The following EIF1AD variants were observed in gnomAD, a reference collection of about 807,000 sequenced individuals.
EIF1AD encodes probable RNA-binding protein EIF1AD.
In EIF1AD, 9 loss-of-function variants were observed where a neutral mutation model predicts 21.7. The observed-to-expected ratio is 0.41, with a 90% CI of 0.25 to 0.72. The LOEUF (loss-of-function observed/expected upper bound fraction) is 0.72, where lower values mean the gene tolerates loss of function less well. EIF1AD is among the 30% of genes least tolerant of loss of function. EIF1AD has a pLI of 0.29. For missense variants in EIF1AD, 164 were observed against 199.7 expected (o/e 0.82, Z 1.08); for synonymous variants, 78 against 70.9 (o/e 1.10, Z -0.50).
At position 65,999,656 on chromosome 11, in the gene EIF1AD, G is replaced by A. The variant is rs775530793; in HGVS notation, c.216C>T (p.Asp72=). The A allele has an allele frequency of 4.3e-6, 7 of 1,613,804 alleles. No homozygotes were observed. Among genetic ancestry groups the A allele is most frequent in the Admixed American group, 3.3e-5 (2 of 60,018 alleles). The change falls in exon 4 of 6, where the codon GAC becomes GAT. Residue 72 remains aspartate, a synonymous_variant. Transcript: ENST00000533544. Reference sequence around the variant, plus strand: ...TCACCTTTTCTCCCTCTTCAATGGGGTCAACAATGAGAAAGTCCCCTGTAG... The same window carrying A: ...TCACCTTTTCTCCCTCTTCAATGGGATCAACAATGAGAAAGTCCCCTGTAG... ...WIKRGDFLIV[D]PIEEGEKVKA...
intron 3 of EIF1AD, 171 bp downstream of exon 3, chr11:65,999,881 CA>C: frequency 1.5e-6 from 1 of 649,422 alleles, no homozygotes; most frequent in Non-Finnish European, 2.7e-6. Flanking sequence ...CTCCCAGGCT[CA>C]AGTGATTCTC....
chr11:65,998,693 G>T lies in EIF1AD; in HGVS notation c.404C>A (p.Ser135Tyr), dbSNP rs777435153. 1 of 1,614,132 alleles carries T rather than the reference G, an allele frequency of 6.2e-7. No individual in the cohort carries two copies. The highest frequency in any genetic ancestry group is 8.5e-7 in the Non-Finnish European group (1 of 1,180,004). ...PAEPQLSGEE[S>Y]SSEDDSDLFV... Reference sequence around the variant, plus strand: ...CAGGTCAGAATCATCTTCTGAGCTGGACTCCTCTCCTGATAACTGTGGCTC... The same window carrying T: ...CAGGTCAGAATCATCTTCTGAGCTGTACTCCTCTCCTGATAACTGTGGCTC... The change falls in exon 6 of 6, where the codon TCC becomes TAC. Residue 135 changes from serine to tyrosine, a missense_variant. Coordinates refer to ENST00000533544, the MANE Select transcript of EIF1AD (RefSeq NM_001242481.2).
At chr11:66,001,583 G>C (rs542934068) in intron 1 of EIF1AD, among the ~76,000 whole-genome samples, 2 of 151,692 alleles carry the variant, frequency 1.3e-5, no homozygotes, top group South Asian at 2.1e-4. Flanking sequence ...GAAGGAGTTT[G>C]AAATAAACCG....
rs1323680559 is a variant in EIF1AD, at chr11:65,997,481, ATG to A, written c.*1116_*1117del. Reference sequence around the variant, plus strand: ...GATGGTTGCTGTTTCTTAATGAGGCATGTGTTGTGGTAACTACCACAAGGGGG... The same window carrying A: ...GATGGTTGCTGTTTCTTAATGAGGCATGTTGTGGTAACTACCACAAGGGGG... On this transcript the variant is annotated 3_prime_UTR_variant, in exon 6 of 6. Coordinates refer to ENST00000533544, the MANE Select transcript of EIF1AD (RefSeq NM_001242481.2). 1 of 152,226 alleles carries A rather than the reference ATG, an allele frequency of 6.6e-6. No homozygotes were observed. Among genetic ancestry groups the A allele is most frequent in the African/African-American group, 2.4e-5 (1 of 41,448 alleles). 9.4% of individuals were successfully genotyped at this position (152,226 alleles called of 1,614,324 possible).
At position 65,996,998 on chromosome 11, in the gene EIF1AD, C is replaced by CA. The variant is rs1306990889; in HGVS notation, c.*1600_*1601insT. 1 of 152,260 alleles carries CA rather than the reference C, an allele frequency of 6.6e-6. No individual in the cohort carries two copies. Among genetic ancestry groups the CA allele is most frequent in the African/African-American group, 2.4e-5 (1 of 41,424 alleles). 9.4% of individuals were successfully genotyped at this position (152,260 alleles called of 1,614,324 possible). A position where few individuals can be genotyped will look rare whatever the true frequency, so the allele number is the denominator to read the frequency against. ...TTGAGGTCAGGAGTTCGAGACCAGC[C>CA]TGGCCAACATGGCAAAACCTCGTCT... On this transcript the variant is annotated 3_prime_UTR_variant, in exon 6 of 6. Coordinates refer to ENST00000533544, the MANE Select transcript of EIF1AD (RefSeq NM_001242481.2).
At chr11:66,001,075 C>G (rs1207550611) in intron 1 of EIF1AD, among the ~76,000 whole-genome samples, 1 of 151,380 alleles carries the variant, frequency 6.6e-6, no homozygotes, top group Admixed American at 6.6e-5. Flanking sequence ...CCGACGCTCC[C>G]GGCCGAATAA....
At chr11:66,000,255 G>C in intron 2 of EIF1AD, 48 bp downstream of exon 2, 1 of 1,612,344 alleles carries the variant, frequency 6.2e-7, no homozygotes, top group Non-Finnish European at 8.5e-7. Flanking sequence ...GGGCCCTCCA[G>C]GGCTGCAGGG....
At chr11:66,000,864 T>C (rs367697254) in intron 1 of EIF1AD, 1 of 163,546 alleles carries the variant, frequency 6.1e-6, no homozygotes, top group Non-Finnish European at 1.4e-5. Flanking sequence ...CTACTGGTGT[T>C]ATCTGTAAAT....
chr11:65,999,883 A>T, intron 3 of EIF1AD, 170 bp downstream of exon 3: 1 of 649,414 alleles, frequency 1.5e-6, no homozygotes, highest in South Asian at 1.9e-5. Flanking sequence ...CCCAGGCTCA[A>T]GTGATTCTCA....
At position 65,998,539 on chromosome 11, in the gene EIF1AD, C is replaced by T; in HGVS notation, c.*60G>A. ...GATGTGCAGAGCACCCTGGGAATGT[C>T]CAAGCCCAGAAGAGCCAGGGGCCAG... is the stretch of plus-strand genomic sequence containing the variant. On this transcript the variant is annotated 3_prime_UTR_variant, in exon 6 of 6. Coordinates refer to ENST00000533544, the MANE Select transcript of EIF1AD (RefSeq NM_001242481.2). 1 of 1,593,720 alleles carries T rather than the reference C, an allele frequency of 6.3e-7. No individual in the cohort carries two copies. Among genetic ancestry groups the T allele is most frequent in the Non-Finnish European group, 8.5e-7 (1 of 1,169,932 alleles).
chr11:65,997,444 G>A lies in EIF1AD; in HGVS notation c.*1155C>T, dbSNP rs931296397. Reference sequence around the variant, plus strand: ...CTGCAGAGCTGGTAACAGGGAGGCAGGCATTCCCTCTGATGGTTGCTGTTT... The same window carrying A: ...CTGCAGAGCTGGTAACAGGGAGGCAAGCATTCCCTCTGATGGTTGCTGTTT... On this transcript the variant is annotated 3_prime_UTR_variant, in exon 6 of 6. Transcript: ENST00000533544. The A allele has an allele frequency of 2.6e-5, 4 of 152,162 alleles. No homozygotes were observed. The highest frequency in any genetic ancestry group is 5.9e-5 in the Non-Finnish European group (4 of 68,030). The allele number at this position is 152,162 out of a possible 1,614,324, so 9.4% of individuals were successfully genotyped here.
At position 65,997,366 on chromosome 11, in the gene EIF1AD, C is replaced by G. The variant is rs1378387564; in HGVS notation, c.*1233G>C. 1.4e-5 allele frequency: 2 copies of G among 146,124 alleles called. No individual in the cohort carries two copies. The highest frequency in any genetic ancestry group is 5.0e-5 in the African/African-American group (2 of 39,822). The allele number at this position is 146,124 out of a possible 1,614,324, so 9.1% of individuals were successfully genotyped here. A position where few individuals can be genotyped will look rare whatever the true frequency, so the allele number is the denominator to read the frequency against. Reference sequence around the variant, plus strand: ...AAAAAAAAAGATAGTCTCCAAAACACAAGAGGTAAGGTTTAAGTCCCATTG... The same window carrying G: ...AAAAAAAAAGATAGTCTCCAAAACAGAAGAGGTAAGGTTTAAGTCCCATTG... On this transcript the variant is annotated 3_prime_UTR_variant, in exon 6 of 6. Transcript: ENST00000533544.
intron 3 of EIF1AD, 140 bp from the exon 4 acceptor site, chr11:65,999,815 C>A: frequency 1.5e-6 from 1 of 678,338 alleles, no homozygotes; most frequent in Non-Finnish European, 2.5e-6. Context: ...CAGGGTCTTG[C>A]TCTGTTGCCC....
At position 65,999,604 on chromosome 11, in the gene EIF1AD, T is replaced by C; in HGVS notation, c.268A>G (p.Lys90Glu). Residue 90 changes from lysine to glutamate, a missense_variant, in exon 4 of 6, where the codon AAG (lysine) becomes GAG (glutamate). Transcript: ENST00000533544. ...VKAEISFVLC[K>E]DHVRSLQKEG... ...TTCTGCAGAGAGCGCACGTGGTCCTTGCAGAGCACAAACGAGATTTCAGCC... is the reference window on the plus strand; with the variant it reads ...TTCTGCAGAGAGCGCACGTGGTCCTCGCAGAGCACAAACGAGATTTCAGCC... The C allele has an allele frequency of 1.2e-6, 2 of 1,614,010 alleles. No individual in the cohort carries two copies. Among genetic ancestry groups the C allele is most frequent in the Non-Finnish European group, 8.5e-7 (1 of 1,180,012 alleles).
intron 2 of EIF1AD, 22 bp downstream of exon 2, chr11:66,000,281 G>C (rs1565059697): frequency 1.9e-6 from 3 of 1,613,274 alleles, no homozygotes; most frequent in East Asian, 2.2e-5. Flanking sequence ...GAGCAGAACA[G>C]CTTGTGCCCC....
chr11:66,000,594 C>G, intron 1 of EIF1AD, 89 bp from the exon 2 acceptor site: 1 of 586,406 alleles, frequency 1.7e-6, no homozygotes, highest in South Asian at 2.0e-5. Context: ...TATTTCCTAA[C>G]TATTCAACTT....
chr11:66,000,889 G>A lies in EIF1AD; in HGVS notation c.-116-384C>T, dbSNP rs528284856. ...TATCTGTAAATTCTAGACATTGTAT[G>A]AGAAAGCACTGTAAAACTTTTTGTT... On this transcript the variant is annotated intron_variant, in intron 1 of 5. Coordinates refer to ENST00000533544, the MANE Select transcript of EIF1AD (RefSeq NM_001242481.2). 1.9e-5 allele frequency: 3 copies of A among 160,640 alleles called. No individual in the cohort carries two copies. In the South Asian group the frequency reaches 4.9e-4, roughly 26 times the overall value. The allele number at this position is 160,640 out of a possible 1,614,324, so 10.0% of individuals were successfully genotyped here. A position where few individuals can be genotyped will look rare whatever the true frequency, so the allele number is the denominator to read the frequency against.
intron 1 of EIF1AD, among the ~76,000 whole-genome samples, chr11:66,001,581 T>C (rs1448821933): frequency 2.6e-5 from 4 of 152,166 alleles, no homozygotes; most frequent in East Asian, 1.9e-4. Context: ...TGGAAGGAGT[T>C]TGAAATAAAC....
chr11:65,999,264 G>C (rs961053413), intron 5 of EIF1AD, 86 bp downstream of exon 5: 3 of 1,569,930 alleles, frequency 1.9e-6, no homozygotes, highest in South Asian at 1.1e-5. Context: ...TATGTAAGGA[G>C]GAAAGAAGGC....
Sources: gnomAD v4.1 joint callset for allele counts (sites outside exome capture counted in the v4.1 genomes callset) on GRCh38, gnomAD v4.1.1 for gene constraint, MANE v1.5 for transcripts, NCBI Gene and HGNC (gene_info 2026-07-23, HGNC 2026-07-21) for gene names.